THRAP3: variants seen among roughly 807,000 people sequenced by gnomAD.
THRAP3 encodes the protein thyroid hormone receptor associated protein 3, also known as thyroid hormone receptor-associated protein 3.
THRAP3 carries 16 observed loss-of-function variants against 101.0 expected under a neutral mutation model. The ratio of observed to expected loss-of-function variants is 0.16; its 90% CI spans 0.11 to 0.24. The LOEUF is 0.24. Ranked by LOEUF, THRAP3 falls within the 10% of genes least tolerant of loss-of-function variation. The pLI, the probability that THRAP3 is intolerant of heterozygous loss-of-function variation, is 1.00. For synonymous variants in THRAP3, 407 were observed against 422.6 expected, an observed-to-expected ratio of 0.96 and a Z score of 0.45; for missense variants, 989 against 1,202.7, an observed-to-expected ratio of 0.82 and a Z score of 2.63.
chr1:36,303,344 C>T (rs1646054262), intron 11 of THRAP3, among the ~76,000 whole-genome samples: 1 of 152,014 alleles, frequency 6.6e-6, no homozygotes, highest in Non-Finnish European at 1.5e-5. Context: ...TTCTCAAACC[C>T]ACCCTTTGAG....
intron 2 of THRAP3, among the ~76,000 whole-genome samples, chr1:36,277,552 G>A (rs970541438): frequency 5.3e-5 from 8 of 151,428 alleles, no homozygotes; most frequent in Non-Finnish European, 1.2e-4. Flanking sequence ...TGTCACCCAG[G>A]CTGGAGTGCA....
chr1:36,293,815 A>G (rs773976436), intron 7 of THRAP3, 36 bp from the exon 8 acceptor site: 14 of 1,552,002 alleles, frequency 9.0e-6, no homozygotes, highest in African/African-American at 1.4e-5. Context: ...TATTCACACA[A>G]TGGAATACTA....
chr1:36,300,791 A>C, intron 9 of THRAP3, 95 bp from the exon 10 acceptor site: 1 of 1,250,970 alleles, frequency 8.0e-7, no homozygotes, highest in Non-Finnish European at 1.1e-6. Context: ...CATCACAGGC[A>C]TACTTTTGAT....
intron 2 of THRAP3, among the ~76,000 whole-genome samples, chr1:36,272,725 C>T (rs1038103898): frequency 3.9e-5 from 6 of 152,128 alleles, no homozygotes; most frequent in African/African-American, 1.4e-4. Context: ...CCTACTTCTT[C>T]CCTTTAGTGA....
chr1:36,277,783 G>C (rs1267812961), intron 2 of THRAP3, among the ~76,000 whole-genome samples: 1 of 151,974 alleles, frequency 6.6e-6, no homozygotes, highest in Non-Finnish European at 1.5e-5. Flanking sequence ...TTTTGAGACG[G>C]AATTCAGCTT....
At chr1:36,232,608 C>T (rs140816591) in intron 1 of THRAP3, among the ~76,000 whole-genome samples, 133 of 152,152 alleles carry the variant, frequency 8.7e-4, no homozygotes, top group Non-Finnish European at 5.7e-4. Flanking sequence ...CATTGAGTTA[C>T]GTAGAAGAGG....
At chr1:36,264,721 T>C (rs757617538) in intron 2 of THRAP3, among the ~76,000 whole-genome samples, 3 of 152,254 alleles carry the variant, frequency 2.0e-5, no homozygotes, top group Non-Finnish European at 4.4e-5. Context: ...CTGTGAAATA[T>C]TGGTAACATT....
chr1:36,241,701 C>T (rs1261527949), intron 1 of THRAP3, among the ~76,000 whole-genome samples: 1 of 151,476 alleles, frequency 6.6e-6, no homozygotes, highest in Non-Finnish European at 1.5e-5. Flanking sequence ...GCCTCAGCCT[C>T]CAGAGTAGCT....
At chr1:36,263,464 T>C (rs779381977) in intron 2 of THRAP3, among the ~76,000 whole-genome samples, 2 of 152,188 alleles carry the variant, frequency 1.3e-5, no homozygotes, top group East Asian at 1.9e-4. Flanking sequence ...TTAGAAAAGA[T>C]TTATCATAAT....
rs749341250 is a variant in THRAP3 at position 36,301,625 on chromosome 1, G to A, written c.2575G>A (p.Asp859Asn). Reference sequence around the variant, plus strand: ...GAACAATAACAACAACAGCAACAACGATTTTCAAAAAAGAAACCGGGAAGA... The same window carrying A: ...GAACAATAACAACAACAGCAACAACAATTTTCAAAAAAGAAACCGGGAAGA... ...SGNNNNNSNN[D>N]FQKRNREEEW... Residue 859 changes from aspartate to asparagine, a missense_variant, in exon 11 of 12, where the codon GAT (aspartate) becomes AAT (asparagine). Physicochemically the swap from Asp to Asn is conservative, Grantham distance 23. Coordinates refer to ENST00000354618, the MANE Select transcript of THRAP3 (RefSeq NM_005119.4). The A allele has an allele frequency of 1.9e-6, 3 of 1,614,088 alleles. No individual in the cohort carries two copies. Among genetic ancestry groups the A allele is most frequent in the Admixed American group, 1.7e-5 (1 of 60,012 alleles).
the THRAP3 span, among the ~76,000 whole-genome samples, chr1:36,213,718 G>GCGCC: frequency 1.3e-5 from 2 of 151,574 alleles, no homozygotes; most frequent in Non-Finnish European, 2.9e-5. Context: ...ATGGTGGCGT[G>GCGCC]CGCCTGTAAT....
At chr1:36,265,578 A>G (rs1055693993) in intron 2 of THRAP3, among the ~76,000 whole-genome samples, 1 of 150,662 alleles carries the variant, frequency 6.6e-6, no homozygotes, top group Non-Finnish European at 1.5e-5. Context: ...GTTGGGCCAT[A>G]TTTTTGAAGC....
At chr1:36,260,959 T>C (rs904572424) in intron 2 of THRAP3, among the ~76,000 whole-genome samples, 15 of 152,232 alleles carry the variant, frequency 9.9e-5, no homozygotes, top group Admixed American at 8.5e-4. Flanking sequence ...CTTTTCCTTT[T>C]TTGTACAACT....
rs1303054463 is a variant in THRAP3, at chr1:36,286,197, T to A, written c.138-171T>A. The stretch of plus-strand genomic sequence containing the variant: ...GTTCAAATGATTCTTATCCATGTTT[T>A]TGTACTTAGTAAGGGCCATACGTAG... On this transcript the variant is annotated intron_variant, in intron 3 of 11. Transcript: ENST00000354618. This position sits in a 1 kb window ranked among gnomAD's most constrained non-coding sequence, Gnocchi z 5.5. Among the ~76,000 whole-genome samples the A allele has an allele frequency of 6.6e-6, 1 of 152,250 alleles. No homozygotes were observed. The highest frequency in any genetic ancestry group is 1.5e-5 in the Non-Finnish European group (1 of 68,046).
chr1:36,255,450 A>G (rs1031337155), intron 1 of THRAP3, among the ~76,000 whole-genome samples: 4 of 151,464 alleles, frequency 2.6e-5, no homozygotes, highest in African/African-American at 9.8e-5. Context: ...CAACATAGTG[A>G]GACCCTGTCT....
rs1345070592 is a variant in THRAP3, at chr1:36,291,308, T to C, written c.1746-66T>C. On this transcript the variant is annotated intron_variant, in intron 5 of 11. Transcript: ENST00000354618. ...ATTTAAAACTCTTCAAAAAAGTATTTTTATGGTTTTAATGTTCTTCCTGTG... is the reference window on the plus strand; with the variant it reads ...ATTTAAAACTCTTCAAAAAAGTATTCTTATGGTTTTAATGTTCTTCCTGTG... 2.0e-6 allele frequency: 3 copies of C among 1,484,584 alleles called. No homozygotes were observed. The Admixed American group carries it at 6.8e-5, about 34-fold the overall frequency. 92.0% of individuals were successfully genotyped at this position (1,484,584 alleles called of 1,614,324 possible). A position where few individuals can be genotyped will look rare whatever the true frequency, so the allele number is the denominator to read the frequency against.
At chr1:36,258,850 T>C (rs1215840001) in intron 1 of THRAP3, among the ~76,000 whole-genome samples, 1 of 152,248 alleles carries the variant, frequency 6.6e-6, no homozygotes, top group Non-Finnish European at 1.5e-5. Flanking sequence ...TTGCTGGTCT[T>C]GGAACTTGTT....
the THRAP3 span, among the ~76,000 whole-genome samples, chr1:36,209,885 T>C: frequency 6.6e-6 from 1 of 152,174 alleles, no homozygotes; most frequent in Admixed American, 6.5e-5. Context: ...CAAAAGGAAC[T>C]TGCTTGGAGT....
intron 1 of THRAP3, among the ~76,000 whole-genome samples, chr1:36,243,575 GAA>G (rs1045057011): frequency 3.6e-4 from 55 of 152,076 alleles, no homozygotes; most frequent in Admixed American, 7.9e-4. Context: ...AGAACAAAAT[GAA>G]AAGTCTCCCA....
Sources: allele counts gnomAD v4.1 joint callset (sites outside exome capture counted in the v4.1 genomes callset), GRCh38; gene constraint gnomAD v4.1.1; non-coding constraint Gnocchi (gnomAD v3.1); transcripts MANE v1.5; gene names NCBI Gene and HGNC (gene_info 2026-07-23, HGNC 2026-07-21).